The following CNTN1 variants were observed in gnomAD, a reference collection of about 807,000 sequenced individuals.
CNTN1 encodes the protein contactin 1, also known as contactin-1.
CNTN1 carries 38 observed loss-of-function variants against 126.4 expected under a neutral mutation model. The observed-to-expected ratio is 0.30, with a 90% CI of 0.23 to 0.39. CNTN1 has a LOEUF of 0.39. Among genes scored for constraint, CNTN1 ranks in the 10% least tolerant of loss-of-function variants. The pLI, the probability that CNTN1 is intolerant of heterozygous loss-of-function variation, is 1.00. For missense variants in CNTN1, 1,009 were observed against 1,248.4 expected, an observed-to-expected ratio of 0.81 and a Z score of 2.89; for synonymous variants, 413 against 422.6, an observed-to-expected ratio of 0.98 and a Z score of 0.28.
intron 1 of CNTN1, among the ~76,000 whole-genome samples, chr12:40,792,939 G>T (rs1022512577): frequency 2.4e-4 from 36 of 152,122 alleles, no homozygotes; most frequent in African/African-American, 8.4e-4. Flanking sequence ...GCTCTGAAAA[G>T]CTTCCCTTTG....
At chr12:41,021,796 C>G (rs1948919196) in intron 20 of CNTN1, among the ~76,000 whole-genome samples, 1 of 152,020 alleles carries the variant, frequency 6.6e-6, no homozygotes, top group African/African-American at 2.4e-5. Flanking sequence ...ACTTACTAAC[C>G]TGACAATTGT....
chr12:40,901,837 A>G (rs1036943533), intron 1 of CNTN1, among the ~76,000 whole-genome samples: 2 of 152,328 alleles, frequency 1.3e-5, no homozygotes, highest in African/African-American at 2.4e-5. Context: ...TATGAAATGT[A>G]TTTGACCACT....
Position 40,918,714 on chromosome 12 carries a change from T to C in CNTN1, c.170T>C (p.Leu57Pro). 1.2e-6 allele frequency: 2 copies of C among 1,613,758 alleles called. No individual in the cohort carries two copies. Among genetic ancestry groups the C allele is most frequent in the Non-Finnish European group, 1.7e-6 (2 of 1,179,708 alleles). Residue 57 changes from leucine (L) to proline (P), a missense_variant, in exon 4 of 24, where the codon CTG becomes CCG. By Grantham distance (98) the Leu-to-Pro change is moderately conservative. Coordinates refer to ENST00000551295, the MANE Select transcript of CNTN1 (RefSeq NM_001843.4). ...AATACCATTTATCCAGAGGAATCAC[T>C]GGAAGGAAAAGTCTCACTCAACTGT... Reference protein sequence around the residue: ...PINTIYPEESLEGKVSLNCRA... With the variant: ...PINTIYPEESPEGKVSLNCRA...
intron 23 of CNTN1, among the ~76,000 whole-genome samples, chr12:41,067,022 G>A (rs1950060563): frequency 1.3e-5 from 2 of 152,066 alleles, no homozygotes; most frequent in Non-Finnish European, 2.9e-5. Context: ...AATTATGATT[G>A]ATAGCAGTAT....
At position 40,701,653 on chromosome 12, in the gene CNTN1, T is replaced by G. The variant is rs745321759; in HGVS notation, c.-77+9061T>G. 3.3e-5 allele frequency among the ~76,000 whole-genome samples: 5 copies of G among 152,198 alleles called. No homozygotes were observed. In the East Asian group the frequency reaches 9.6e-4, roughly 29 times the overall value. ...ATTTGTAAATGCCTAATGGATTGAC[T>G]TTATTTTTCTTTTGGTCTACTTATA... On this transcript the variant is annotated intron_variant, in intron 1 of 23. Coordinates refer to ENST00000551295, the MANE Select transcript of CNTN1 (RefSeq NM_001843.4).
chr12:41,058,785 C>G (rs1949880386), intron 23 of CNTN1, among the ~76,000 whole-genome samples: 1 of 152,130 alleles, frequency 6.6e-6, no homozygotes, highest in African/African-American at 2.4e-5. Context: ...GGTTGAGAAA[C>G]TGAACAAGCA....
At chr12:40,938,993 C>A (rs781107992) in intron 11 of CNTN1, among the ~76,000 whole-genome samples, 9 of 152,074 alleles carry the variant, frequency 5.9e-5, no homozygotes, top group Non-Finnish European at 1.3e-4. Flanking sequence ...CCAGTCTGCT[C>A]TCAAACTCCT....
chr12:40,847,260 C>T (rs902249669), intron 1 of CNTN1, among the ~76,000 whole-genome samples: 2 of 152,066 alleles, frequency 1.3e-5, no homozygotes, highest in African/African-American at 2.4e-5. Flanking sequence ...CAATTAATAA[C>T]GTAAAAAAGA....
chr12:40,925,626 C>CGTGTATATATATATATACACGT (rs201095423), intron 6 of CNTN1, among the ~76,000 whole-genome samples: 1 of 104,262 alleles, frequency 9.6e-6, no homozygotes, highest in African/African-American at 3.7e-5. Context: ...TATATATACA[C>CGTGTATATATATATATACACGT]ATATATATAT....
chr12:40,831,983 A>G (rs996935326), intron 1 of CNTN1, among the ~76,000 whole-genome samples: 5 of 152,190 alleles, frequency 3.3e-5, no homozygotes, highest in Admixed American at 2.6e-4. Context: ...GTATAAAAGT[A>G]TGGAGGCTAA....
chr12:40,830,920 G>A (rs1941801779), intron 1 of CNTN1, among the ~76,000 whole-genome samples: 1 of 66,854 alleles, frequency 1.5e-5, no homozygotes, highest in Non-Finnish European at 3.0e-5. Flanking sequence ...CTAAGTGGTA[G>A]TTACATATAC....
chr12:40,905,291 C>G (rs185644147), intron 1 of CNTN1, among the ~76,000 whole-genome samples: 45 of 152,272 alleles, frequency 3.0e-4, no homozygotes, highest in Admixed American at 2.5e-3. Flanking sequence ...CCACTTCTTT[C>G]CAGATTATCT....
chr12:41,010,219 CG>C (rs1948610679), intron 17 of CNTN1, among the ~76,000 whole-genome samples: 1 of 152,090 alleles, frequency 6.6e-6, no homozygotes, highest in Non-Finnish European at 1.5e-5. Context: ...ACTGGAGCTC[CG>C]GGACCCATCA....
intron 1 of CNTN1, among the ~76,000 whole-genome samples, chr12:40,727,712 A>C (rs1429272775): frequency 6.6e-6 from 1 of 152,238 alleles, no homozygotes; most frequent in Non-Finnish European, 1.5e-5. Context: ...AAAACTACGC[A>C]TGCTACACCC....
At chr12:40,753,920 A>T (rs1286033161) in intron 1 of CNTN1, among the ~76,000 whole-genome samples, 2 of 152,148 alleles carry the variant, frequency 1.3e-5, no homozygotes, top group African/African-American at 4.8e-5. Context: ...AGGATATATT[A>T]TAATTTAATT....
intron 21 of CNTN1, among the ~76,000 whole-genome samples, chr12:41,026,632 C>A (rs989121133): frequency 6.6e-6 from 1 of 152,150 alleles, no homozygotes; most frequent in South Asian, 2.1e-4. Context: ...GGGTCCAGGG[C>A]ATAGGTTCTG....
At chr12:40,747,547 A>G (rs554694024) in intron 1 of CNTN1, among the ~76,000 whole-genome samples, 4 of 152,180 alleles carry the variant, frequency 2.6e-5, no homozygotes, top group African/African-American at 9.6e-5. Context: ...CTTGTGTTCT[A>G]AGTATGTGGA....
chr12:41,007,915 T>G (rs2120670157), intron 17 of CNTN1, among the ~76,000 whole-genome samples: 1 of 152,312 alleles, frequency 6.6e-6, no homozygotes, highest in East Asian at 1.9e-4. Flanking sequence ...CTGCTCTTTG[T>G]TAGAAAATGA....
intron 1 of CNTN1, among the ~76,000 whole-genome samples, chr12:40,876,246 G>A (rs1943663619): frequency 6.6e-6 from 1 of 151,700 alleles, no homozygotes; most frequent in Non-Finnish European, 1.5e-5. Flanking sequence ...TTGTTTACCA[G>A]ACACGGCATG....
Sources: gnomAD v4.1 joint callset for allele counts (sites outside exome capture counted in the v4.1 genomes callset) on GRCh38, gnomAD v4.1.1 for gene constraint, MANE v1.5 for transcripts, NCBI Gene and HGNC (gene_info 2026-07-23, HGNC 2026-07-21) for gene names.